Variants in SLC6A6 observed in about 807,000 individuals in gnomAD.
The protein encoded by SLC6A6 is solute carrier family 6 member 6, also known as sodium- and chloride-dependent taurine transporter.
SLC6A6 carries 16 observed loss-of-function variants against 68.8 expected under a neutral mutation model. The observed-to-expected ratio is 0.23, with a 90% CI of 0.16 to 0.35. The LOEUF is 0.35. SLC6A6 is among the 10% of genes least tolerant of loss of function. The pLI is 1.00. For synonymous variants in SLC6A6, 312 were observed against 315.4 expected (o/e 0.99, Z 0.12); for missense variants, 474 against 802.8 (o/e 0.59, Z 4.95).
chr3:14,487,476 G>A lies in SLC6A6; in HGVS notation c.*2469G>A, dbSNP rs897636402. On this transcript the variant is annotated 3_prime_UTR_variant, in exon 15 of 15. Coordinates refer to ENST00000622186, the MANE Select transcript of SLC6A6 (RefSeq NM_003043.6). ...CTTTCCATGAGAGCTCATGACTCTG[G>A]TCCACCTGTCTATAGAGAATGGGCA... 42 of 152,270 alleles carry A rather than the reference G, an allele frequency of 2.8e-4. No homozygotes were observed. Among genetic ancestry groups the A allele is most frequent in the African/African-American group, 9.7e-4 (40 of 41,440 alleles). The allele number at this position is 152,270 out of a possible 1,614,324, so 9.4% of individuals were successfully genotyped here.
chr3:14,442,160 G>A (rs542339144), intron 2 of SLC6A6, among the ~76,000 whole-genome samples: 2 of 152,324 alleles, frequency 1.3e-5, no homozygotes, highest in East Asian at 1.9e-4. Context: ...GTCAGCAATC[G>A]CCATGAGGAG....
At position 14,426,436 on chromosome 3, in the gene SLC6A6, T is replaced by C. The variant is rs557395934; in HGVS notation, c.-12+9983T>C. Reference sequence around the variant, plus strand: ...AAGCCTGCAGCCCAGGGAGCTGGGATTGGCCACGAGGTTGGAGGATTTTGC... The same window carrying C: ...AAGCCTGCAGCCCAGGGAGCTGGGACTGGCCACGAGGTTGGAGGATTTTGC... On this transcript the variant is annotated intron_variant, in intron 2 of 14. Transcript: ENST00000622186. Among the ~76,000 whole-genome samples the C allele has an allele frequency of 5.3e-5, 8 of 152,332 alleles. No homozygotes were observed. In the East Asian group the frequency reaches 1.4e-3, roughly 26 times the overall value.
rs140189791 is a variant in SLC6A6 at position 14,421,281 on chromosome 3, T to C, written c.-12+4828T>C. Among the ~76,000 whole-genome samples, 395 of 152,116 alleles carry C rather than the reference T, an allele frequency of 2.6e-3. 4 individuals carry two copies. The highest frequency in any genetic ancestry group is 9.2e-3 in the African/African-American group (382 of 41,508). Reference sequence around the variant, plus strand: ...TCTGAGTACTGGGCCAGACTCGAGGTTGAAAAACATACTCCATCCTCTAGA... The same window carrying C: ...TCTGAGTACTGGGCCAGACTCGAGGCTGAAAAACATACTCCATCCTCTAGA... On this transcript the variant is annotated intron_variant, in intron 2 of 14. Coordinates refer to ENST00000622186, the MANE Select transcript of SLC6A6 (RefSeq NM_003043.6).
chr3:14,417,244 A>G (rs1349704878), intron 2 of SLC6A6, among the ~76,000 whole-genome samples: 1 of 152,244 alleles, frequency 6.6e-6, no homozygotes, highest in African/African-American at 2.4e-5. Flanking sequence ...TTGCAAGAGT[A>G]TTACAGTGGC....
chr3:14,451,766 G>T (rs1031279963), intron 5 of SLC6A6, among the ~76,000 whole-genome samples: 3 of 152,212 alleles, frequency 2.0e-5, no homozygotes, highest in African/African-American at 7.2e-5. Flanking sequence ...GAATCCCCCT[G>T]AAGATAGCCA....
chr3:14,467,903 G>T lies in SLC6A6; in HGVS notation c.918G>T (p.Leu306=). The T allele has an allele frequency of 6.2e-7, 1 of 1,613,708 alleles. No individual in the cohort carries two copies. Among genetic ancestry groups the T allele is most frequent in the African/African-American group, 1.3e-5 (1 of 75,030 alleles). ...TQIFFSYAIC[L]GAMTSLGSYN... is the part of the protein sequence containing the mutation. ...TATTCTTCTCTTATGCCATCTGCCT[G>T]GGGGCTATGACCTCGCTGGGGAGCT... The change falls in exon 8 of 15, where the codon CTG becomes CTT. Residue 306 remains leucine (L), a synonymous_variant. Coordinates refer to ENST00000622186, the MANE Select transcript of SLC6A6 (RefSeq NM_003043.6).
chr3:14,441,208 A>G (rs1222829648), intron 2 of SLC6A6, among the ~76,000 whole-genome samples: 1 of 151,954 alleles, frequency 6.6e-6, no homozygotes, highest in Admixed American at 6.6e-5. Context: ...CCAGCTGCCA[A>G]TGAGGTCATG....
At chr3:14,463,514 G>A (rs193067371) in intron 6 of SLC6A6, among the ~76,000 whole-genome samples, 208 of 152,326 alleles carry the variant, frequency 1.4e-3, no homozygotes, top group Non-Finnish European at 2.5e-3. Context: ...TGAAGTGGCC[G>A]CCCTCTGGAG....
chr3:14,437,926 C>G (rs1345652616), intron 2 of SLC6A6, among the ~76,000 whole-genome samples: 2 of 151,620 alleles, frequency 1.3e-5, no homozygotes, highest in Non-Finnish European at 2.9e-5. Context: ...CTCCCGGATT[C>G]CAGCGATTCT....
At chr3:14,447,533 G>C in intron 4 of SLC6A6, 49 bp from the exon 5 acceptor site, 1 of 1,605,120 alleles carries the variant, frequency 6.2e-7, no homozygotes, top group Middle Eastern at 1.7e-4. Flanking sequence ...GGCCGTGGTG[G>C]GTCTGGCCTC....
chr3:14,455,162 A>G (rs559558254), intron 5 of SLC6A6, among the ~76,000 whole-genome samples: 32 of 152,198 alleles, frequency 2.1e-4, no homozygotes, highest in Non-Finnish European at 4.1e-4. Context: ...ATCAAAGCAA[A>G]CGTCCCTGGA....
rs1421326136 is a variant in SLC6A6, at chr3:14,468,264, G to C, written c.1096+52G>C. ...GTGGGCACTGCCACCTAGTGTGTAA[G>C]CCAAGTACTGCAGGCATGAAGCCAG... On this transcript the variant is annotated intron_variant, in intron 9 of 14. Coordinates refer to ENST00000622186, the MANE Select transcript of SLC6A6 (RefSeq NM_003043.6). This position sits in a 1 kb window ranked among gnomAD's most constrained non-coding sequence, Gnocchi z 4.5. The C allele has an allele frequency of 1.9e-6, 3 of 1,556,204 alleles. No homozygotes were observed. The South Asian group carries it at 3.4e-5, about 18-fold the overall frequency.
At position 14,402,960 on chromosome 3, in the gene SLC6A6, C is replaced by G; in HGVS notation, c.-54+113C>G. On this transcript the variant is annotated intron_variant, in intron 1 of 14. Transcript: ENST00000622186. This position sits in a 1 kb window ranked among gnomAD's most constrained non-coding sequence, Gnocchi z 4.8. The stretch of plus-strand genomic sequence containing the variant: ...CCTCCTCCCCTCCGCGTGCGCCCAT[C>G]CGGCGCCCCTTTCACCACCGCGGAA... 2.6e-6 allele frequency: 1 copy of G among 382,086 alleles called. No individual in the cohort carries two copies. The highest frequency in any genetic ancestry group is 4.6e-6 in the Non-Finnish European group (1 of 215,624). 23.7% of individuals were successfully genotyped at this position (382,086 alleles called of 1,614,324 possible).
chr3:14,443,595 G>A (rs1304556823), intron 2 of SLC6A6, 29 bp from the exon 3 acceptor site: 1 of 1,444,486 alleles, frequency 6.9e-7, no homozygotes, highest in East Asian at 2.3e-5. Context: ...CTCATCAGCT[G>A]CAGGATGCTT....
chr3:14,402,761 G>T lies in SLC6A6; in HGVS notation c.-140G>T, dbSNP rs1029378869. ...GGGAGTGCGGAGCGTTCACCCAGCG[G>T]GTCAGAGAGCGAGCGGGCAGGCAGC... On this transcript the variant is annotated 5_prime_UTR_variant, in exon 1 of 15. Coordinates refer to ENST00000622186, the MANE Select transcript of SLC6A6 (RefSeq NM_003043.6). The surrounding 1 kb of genome is among the most constrained non-coding windows in gnomAD (Gnocchi z 4.8). 7.5e-6 allele frequency: 3 copies of T among 398,034 alleles called. No individual in the cohort carries two copies. Among genetic ancestry groups the T allele is most frequent in the African/African-American group, 6.2e-5 (3 of 48,606 alleles). The allele number at this position is 398,034 out of a possible 1,614,324, so 24.7% of individuals were successfully genotyped here. A position where few individuals can be genotyped will look rare whatever the true frequency, so the allele number is the denominator to read the frequency against.
Position 14,445,813 on chromosome 3 carries a change from G to T in SLC6A6, c.326G>T (p.Gly109Val). The change falls in exon 4 of 15, where the codon GGC becomes GTC. Residue 109 changes from glycine to valine, a missense_variant. Physicochemically the swap from Gly to Val is moderately radical, Grantham distance 109 (BLOSUM62 -3). Transcript: ENST00000622186. ...ATAGGCCAGTACACCTCTGAAGGGGGCATCACCTGCTGGGAAAAGATCTGC... is the reference window on the plus strand; with the variant it reads ...ATAGGCCAGTACACCTCTGAAGGGGTCATCACCTGCTGGGAAAAGATCTGC... The part of the protein sequence containing the change: ...IIIGQYTSEG[G>V]ITCWEKICPL... 1 of 1,614,182 alleles carries T rather than the reference G, an allele frequency of 6.2e-7. No individual in the cohort carries two copies. Among genetic ancestry groups the T allele is most frequent in the Non-Finnish European group, 8.5e-7 (1 of 1,179,984 alleles).
rs1311838405 is a variant in SLC6A6, at chr3:14,468,701, C to G, written c.1096+489C>G. On this transcript the variant is annotated intron_variant, in intron 9 of 14. Transcript: ENST00000622186. This position sits in a 1 kb window ranked among gnomAD's most constrained non-coding sequence, Gnocchi z 4.5. ...GAATGAGTCCCAACTCTGTGTCAGG[C>G]ACCACCGTAGGCACTGGGTGCAGTG... Among the ~76,000 whole-genome samples, 2 of 152,140 alleles carry G rather than the reference C, an allele frequency of 1.3e-5. No individual in the cohort carries two copies. Among genetic ancestry groups the G allele is most frequent in the Non-Finnish European group, 2.9e-5 (2 of 68,026 alleles).
intron 1 of SLC6A6, among the ~76,000 whole-genome samples, chr3:14,414,301 A>G (rs1699316670): frequency 6.6e-6 from 1 of 152,176 alleles, no homozygotes; most frequent in African/African-American, 2.4e-5. Context: ...GTTTTTGACC[A>G]GGCTGGTCAA....
At chr3:14,436,280 A>G (rs1037980574) in intron 2 of SLC6A6, among the ~76,000 whole-genome samples, 17 of 152,136 alleles carry the variant, frequency 1.1e-4, no homozygotes, top group African/African-American at 4.1e-4. Flanking sequence ...AACTCACTGC[A>G]GCCTCCAACT....
Sources: gnomAD v4.1 joint callset for allele counts (sites outside exome capture counted in the v4.1 genomes callset) on GRCh38, gnomAD v4.1.1 for gene constraint, Gnocchi (gnomAD v3.1) non-coding constraint, MANE v1.5 for transcripts, NCBI Gene and HGNC (gene_info 2026-07-23, HGNC 2026-07-21) for gene names.